Variants in RIPOR3 observed in about 807,000 individuals in gnomAD.
RIPOR3 encodes the protein RIPOR family member 3, also known as family with sequence similarity 65 member C.
RIPOR3 carries 95 observed loss-of-function variants against 114.3 expected under a neutral mutation model. That is an observed-to-expected ratio of 0.83 (90% CI 0.70 to 0.99). The LOEUF (loss-of-function observed/expected upper bound fraction) is 0.99. Among genes scored for constraint, RIPOR3 ranks in the 50% least tolerant of loss-of-function variants. RIPOR3 has a pLI of 0.00. For synonymous variants in RIPOR3, 575 were observed against 543.8 expected, an observed-to-expected ratio of 1.06 and a Z score of -0.80; for missense variants, 1,252 against 1,266.9, an observed-to-expected ratio of 0.99 and a Z score of 0.18.
intron 1 of RIPOR3, among the ~76,000 whole-genome samples, chr20:50,670,187 G>A (rs2086420069): frequency 6.6e-6 from 1 of 151,712 alleles, no homozygotes; most frequent in Non-Finnish European, 1.5e-5. Flanking sequence ...AAAAGAAGAG[G>A]GCGCTCTGAG....
At chr20:50,587,673 G>A in intron 21 of RIPOR3, 129 bp downstream of exon 21, 2 of 822,350 alleles carry the variant, frequency 2.4e-6, no homozygotes, top group Non-Finnish European at 3.9e-6. Context: ...CTGTGCCAGG[G>A]CTGCTAACGG....
In RIPOR3 at chr20:50,686,149, C is replaced by A. The variant is rs959012455; in HGVS notation, c.3+4977G>T. 3.6e-4 allele frequency among the ~76,000 whole-genome samples: 54 copies of A among 152,018 alleles called. No individual in the cohort carries two copies. In the East Asian group the frequency reaches 0.01, roughly 29 times the overall value. On this transcript the variant is annotated intron_variant, in intron 1 of 21. Transcript: ENST00000327979. ...TCGGCTCACTGCAAGCTCCGCCTCC[C>A]GGGTTCACGCCATTCTCCTGCCTCA...
chr20:50,629,076 G>C (rs1240161531), intron 2 of RIPOR3, among the ~76,000 whole-genome samples: 1 of 152,184 alleles, frequency 6.6e-6, no homozygotes, highest in Non-Finnish European at 1.5e-5. Context: ...AGTGGGGTAG[G>C]AGCTCCAGCG....
intron 19 of RIPOR3, among the ~76,000 whole-genome samples, chr20:50,590,203 T>A (rs1299819624): frequency 6.6e-6 from 1 of 152,208 alleles, no homozygotes; most frequent in Non-Finnish European, 1.5e-5. Context: ...AGCCCTCCTG[T>A]CCAATCCCAG....
intron 6 of RIPOR3, among the ~76,000 whole-genome samples, chr20:50,610,428 C>T (rs939219863): frequency 2.0e-5 from 3 of 152,172 alleles, no homozygotes; most frequent in African/African-American, 7.2e-5. Context: ...GGGAGTAAAG[C>T]AAGATCATGA....
At chr20:50,653,441 C>CT (rs569793114) in intron 1 of RIPOR3, among the ~76,000 whole-genome samples, 12,438 of 145,082 alleles carry the variant, frequency 0.086, 653 homozygotes, top group East Asian at 0.19. Context: ...AAATTGTATA[C>CT]TTTTTTTTTT....
chr20:50,623,800 A>G (rs2084515217), intron 2 of RIPOR3, among the ~76,000 whole-genome samples: 2 of 152,094 alleles, frequency 1.3e-5, no homozygotes, highest in Admixed American at 1.3e-4. Flanking sequence ...CTTTATAGAA[A>G]TATCTCGACT....
intron 19 of RIPOR3, among the ~76,000 whole-genome samples, 154 bp downstream of exon 19, chr20:50,592,190 T>A (rs2083127723): frequency 6.6e-6 from 1 of 152,212 alleles, no homozygotes; most frequent in South Asian, 2.1e-4. Flanking sequence ...TGCATTCATG[T>A]GTGTTAGATC....
At chr20:50,631,708 G>A (rs964784357) in intron 1 of RIPOR3, among the ~76,000 whole-genome samples, 3 of 152,172 alleles carry the variant, frequency 2.0e-5, no homozygotes, top group Admixed American at 6.5e-5. Context: ...CCCAGTCTCC[G>A]ACCCGCCCTG....
intron 1 of RIPOR3, among the ~76,000 whole-genome samples, chr20:50,668,065 C>T (rs1032010472): frequency 2.0e-5 from 3 of 152,178 alleles, no homozygotes; most frequent in African/African-American, 7.2e-5. Context: ...CCCTGGGAAC[C>T]TTAGCATCAT....
intron 6 of RIPOR3, among the ~76,000 whole-genome samples, chr20:50,610,374 T>C (rs1108895): frequency 0.22 from 32,826 of 151,956 alleles, 5,121 homozygotes; most frequent in African/African-American, 0.45. Context: ...AACAATGAAA[T>C]GGGAGATGAC....
At chr20:50,628,653 C>G (rs896212324) in intron 2 of RIPOR3, among the ~76,000 whole-genome samples, 1 of 152,190 alleles carries the variant, frequency 6.6e-6, no homozygotes, top group Non-Finnish European at 1.5e-5. Context: ...CCAGCTGGAT[C>G]TGTCTCAATT....
At chr20:50,675,336 A>C (rs1204490519) in intron 1 of RIPOR3, among the ~76,000 whole-genome samples, 1 of 152,218 alleles carries the variant, frequency 6.6e-6, no homozygotes, top group Non-Finnish European at 1.5e-5. Context: ...AAGCTAATAC[A>C]GGTGGTTACC....
rs1389348431 is a variant in RIPOR3 at position 50,586,862 on chromosome 20, A to G, written c.*370T>C. 1 of 207,882 alleles carries G rather than the reference A, an allele frequency of 4.8e-6. No homozygotes were observed. The highest frequency in any genetic ancestry group is 9.9e-6 in the Non-Finnish European group (1 of 101,262). The allele number at this position is 207,882 out of a possible 1,614,324, so 12.9% of individuals were successfully genotyped here. On this transcript the variant is annotated 3_prime_UTR_variant, in exon 22 of 22. Coordinates refer to ENST00000327979, the MANE Select transcript of RIPOR3 (RefSeq NM_001290268.2). ...GGCAGCGAGGCCTGGAGTTCTACAC[A>G]CTTGCCTTGGAGCCTTTTATTTAGG...
intron 1 of RIPOR3, among the ~76,000 whole-genome samples, chr20:50,679,838 T>C (rs1600765013): frequency 6.6e-6 from 1 of 151,276 alleles, no homozygotes. Flanking sequence ...ACACCTGTAG[T>C]CCCAGCTACC....
chr20:50,588,024 TC>T, intron 20 of RIPOR3, 132 bp from the exon 21 acceptor site: 1 of 814,790 alleles, frequency 1.2e-6, no homozygotes. Flanking sequence ...TCTCCAGGCT[TC>T]CAGGTTTTTT....
chr20:50,641,758 G>C (rs1394917898), intron 1 of RIPOR3, among the ~76,000 whole-genome samples: 1 of 152,166 alleles, frequency 6.6e-6, no homozygotes, highest in Non-Finnish European at 1.5e-5. Context: ...TGAAACTGAG[G>C]GTTTTATCTC....
intron 1 of RIPOR3, among the ~76,000 whole-genome samples, chr20:50,687,607 T>C (rs1351417794): frequency 1.3e-5 from 2 of 152,158 alleles, no homozygotes; most frequent in Non-Finnish European, 2.9e-5. Flanking sequence ...TTATTATAAA[T>C]TGTATTGACG....
intron 2 of RIPOR3, among the ~76,000 whole-genome samples, chr20:50,627,321 T>C (rs538417614): frequency 1.2e-3 from 169 of 146,874 alleles, no homozygotes; most frequent in Admixed American, 2.6e-3. Context: ...ACCAATATGG[T>C]GAAACCCTGT....
Sources: gnomAD v4.1 joint callset for allele counts (sites outside exome capture counted in the v4.1 genomes callset) on GRCh38, gnomAD v4.1.1 for gene constraint, MANE v1.5 for transcripts, NCBI Gene and HGNC (gene_info 2026-07-23, HGNC 2026-07-21) for gene names.